Variants in EFHC2 observed in about 807,000 individuals in gnomAD.
EFHC2 encodes EF-hand domain-containing family member C2.
A neutral mutation model predicts 52.7 loss-of-function variants in EFHC2; 18 were observed. The ratio of observed to expected loss-of-function variants is 0.34; its 90% CI spans 0.24 to 0.51. The LOEUF is 0.51. Ranked by LOEUF, EFHC2 falls within the 20% of genes least tolerant of loss-of-function variation. EFHC2 has a pLI of 0.97. For synonymous variants in EFHC2, 203 were observed against 204.1 expected (o/e 0.99, Z 0.04); for missense variants, 513 against 562.5 (o/e 0.91, Z 0.89).
Position 44,163,942 on chromosome X carries a change from G to T in EFHC2, c.2128C>A (p.Pro710Thr). The T allele has an allele frequency of 1.7e-6, 2 of 1,166,036 alleles. No individual in the cohort carries two copies. Among genetic ancestry groups the T allele is most frequent in the Non-Finnish European group, 2.3e-6 (2 of 870,355 alleles). ...TTTACCTCTTTAAGGTATGATGCTG[G>T]TTGCAATTCAGGCACTGGATTCTTT... ...WRKNPVPELQ[P>T]ASYLKERCED... The change falls in exon 14 of 15, where the codon CCA becomes ACA. Residue 710 changes from proline (P) to threonine (T), a missense_variant. Coordinates refer to ENST00000420999, the MANE Select transcript of EFHC2 (RefSeq NM_025184.4).
chrX:44,336,297 G>T (rs1451589659), intron 1 of EFHC2, among the ~76,000 whole-genome samples: 1 of 108,947 alleles, frequency 9.2e-6, no homozygotes, highest in East Asian at 2.9e-4. Flanking sequence ...TGAGGCAGAA[G>T]AATAGCTTGA....
In EFHC2 at chrX:44,248,396, G is replaced by A. The variant is rs752976920; in HGVS notation, c.987C>T (p.Asp329=). Reference sequence around the variant, plus strand: ...GGTCACTATCTTTGTAAAACTCTTGGTCTACTTTTCCTAGCTAAAAAAGAC... The same window carrying A: ...GGTCACTATCTTTGTAAAACTCTTGATCTACTTTTCCTAGCTAAAAAAGAC... ...LFDRYKLGKV[D]QEFYKDSDLS... The change falls in exon 7 of 15, where the codon GAC becomes GAT. Residue 329 remains aspartate (D), a synonymous_variant. Coordinates refer to ENST00000420999, the MANE Select transcript of EFHC2 (RefSeq NM_025184.4). The A allele has an allele frequency of 1.7e-6, 2 of 1,187,408 alleles. No individual in the cohort carries two copies. The highest frequency in any genetic ancestry group is 2.3e-6 in the Non-Finnish European group (2 of 882,807).
At position 44,198,145 on chromosome X, in the gene EFHC2, TA is replaced by T. The variant is rs746095023; in HGVS notation, c.1752-19582del. On this transcript the variant is annotated intron_variant, in intron 11 of 14. Coordinates refer to ENST00000420999, the MANE Select transcript of EFHC2 (RefSeq NM_025184.4). ...TATAATCATGGAAAAAGAAATAAAA[TA>T]AACACAATATAAATATATATGTATA... 2.7e-3 allele frequency among the ~76,000 whole-genome samples: 302 copies of T among 111,753 alleles called. 2 individuals carry two copies. Among genetic ancestry groups the T allele is most frequent in the African/African-American group, 9.2e-3 (282 of 30,769 alleles).
intron 11 of EFHC2, among the ~76,000 whole-genome samples, chrX:44,212,656 C>T (rs760700303): frequency 5.4e-5 from 6 of 111,190 alleles, no homozygotes; most frequent in South Asian, 7.7e-4. Context: ...TCCCTGCCCC[C>T]ACACCTTACC....
chrX:44,337,481 A>G (rs777743625), intron 1 of EFHC2, among the ~76,000 whole-genome samples: 2 of 111,862 alleles, frequency 1.8e-5, no homozygotes, highest in East Asian at 5.6e-4. Context: ...CTACATTCCC[A>G]CTTGCTTTAG....
At chrX:44,197,288 C>T (rs916321607) in intron 11 of EFHC2, among the ~76,000 whole-genome samples, 3 of 111,651 alleles carry the variant, frequency 2.7e-5, no homozygotes, top group Admixed American at 1.9e-4. Context: ...CACCTTTGTT[C>T]GTTCATTCAT....
chrX:44,229,735 T>C lies in EFHC2; in HGVS notation c.1665A>G (p.Gln555=). The change falls in exon 11 of 15, where the codon CAA becomes CAG. Residue 555 remains glutamine, a synonymous_variant. Transcript: ENST00000420999. ...NLKLALQKLK[Q]EEGKSRELKQ... The stretch of plus-strand genomic sequence containing the variant: ...TGAGCTCTCTGGATTTTCCTTCTTC[T>C]TGCTTCAGCTTTTGTAGGGCAAGTT... 8.3e-7 allele frequency: 1 copy of C among 1,210,594 alleles called. No homozygotes were observed. Among genetic ancestry groups the C allele is most frequent in the Non-Finnish European group, 1.1e-6 (1 of 894,797 alleles).
chrX:44,219,229 T>C (rs769756851), intron 11 of EFHC2, among the ~76,000 whole-genome samples: 5 of 108,700 alleles, frequency 4.6e-5, no homozygotes, highest in Non-Finnish European at 7.6e-5. Context: ...TGCACAGGAA[T>C]TGACTAGGAT....
chrX:44,248,525 A>C, intron 6 of EFHC2, 115 bp from the exon 7 acceptor site: 1 of 900,657 alleles, frequency 1.1e-6, no homozygotes, highest in Non-Finnish European at 1.5e-6. Flanking sequence ...TAATAACTAA[A>C]TTTTAAAAAT....
At chrX:44,184,128 T>C (rs888075444) in intron 11 of EFHC2, among the ~76,000 whole-genome samples, 4 of 111,835 alleles carry the variant, frequency 3.6e-5, no homozygotes, top group African/African-American at 1.3e-4. Flanking sequence ...TTGCCATCTC[T>C]CTCAAAGTAG....
intron 9 of EFHC2, among the ~76,000 whole-genome samples, chrX:44,233,311 G>A (rs2147323475): frequency 8.9e-6 from 1 of 112,572 alleles, no homozygotes; most frequent in African/African-American, 3.2e-5. Flanking sequence ...TTACTTAAGT[G>A]TTTAAAGATA....
rs1221497954 is a variant in EFHC2 at position 44,201,650 on chromosome X, G to A, written c.1752-23086C>T. Reference sequence around the variant, plus strand: ...TCTGGAATAAAATGTATTAGAGGAAGTGAATCATTAAAAATCTACCCACTG... The same window carrying A: ...TCTGGAATAAAATGTATTAGAGGAAATGAATCATTAAAAATCTACCCACTG... On this transcript the variant is annotated intron_variant, in intron 11 of 14. Coordinates refer to ENST00000420999, the MANE Select transcript of EFHC2 (RefSeq NM_025184.4). 2.7e-5 allele frequency among the ~76,000 whole-genome samples: 3 copies of A among 111,223 alleles called. No homozygotes were observed. In the Admixed American group the frequency reaches 2.9e-4, roughly 11 times the overall value.
chrX:44,258,045 T>C (rs1422968537), intron 4 of EFHC2, among the ~76,000 whole-genome samples: 4 of 112,152 alleles, frequency 3.6e-5, no homozygotes, highest in African/African-American at 1.3e-4. Flanking sequence ...AAGGATTCCT[T>C]ATTTAATAAA....
chrX:44,276,694 A>G (rs2037660578), intron 2 of EFHC2, among the ~76,000 whole-genome samples: 1 of 112,103 alleles, frequency 8.9e-6, no homozygotes, highest in Non-Finnish European at 1.9e-5. Flanking sequence ...TTTGCTTAGC[A>G]TTGCATATCC....
At chrX:44,289,414 G>T (rs1048772493) in intron 2 of EFHC2, among the ~76,000 whole-genome samples, 3 of 110,887 alleles carry the variant, frequency 2.7e-5, no homozygotes, top group African/African-American at 9.8e-5. Flanking sequence ...TAACACCTTG[G>T]CTGAGTTTAG....
intron 2 of EFHC2, among the ~76,000 whole-genome samples, chrX:44,295,419 C>G (rs1400232723): frequency 1.8e-5 from 2 of 111,461 alleles, no homozygotes; most frequent in Non-Finnish European, 3.8e-5. Flanking sequence ...ATGTGGGGTA[C>G]TGCAAGTCAT....
chrX:44,343,671 C>T lies in EFHC2; in HGVS notation c.-83G>A. 1 of 1,100,254 alleles carries T rather than the reference C, an allele frequency of 9.1e-7. No homozygotes were observed. The highest frequency in any genetic ancestry group is 1.2e-6 in the Non-Finnish European group (1 of 813,477). 90.7% of individuals were successfully genotyped at this position (1,100,254 alleles called of 1,213,427 possible). ...GCCTCCCGGCCGTGTTGTTTGGCCC[C>T]CACGTTGCCTGGAGACGGGAAGCGG... On this transcript the variant is annotated 5_prime_UTR_variant, in exon 1 of 15. Transcript: ENST00000420999.
chrX:44,238,449 T>C (rs1445197007), intron 8 of EFHC2, among the ~76,000 whole-genome samples: 1 of 111,395 alleles, frequency 9.0e-6, no homozygotes, highest in Non-Finnish European at 1.9e-5. Flanking sequence ...AAGAAGAAAA[T>C]CAGCTCAAGT....
intron 2 of EFHC2, among the ~76,000 whole-genome samples, chrX:44,278,731 A>C (rs12007760): frequency 1.8e-5 from 2 of 110,320 alleles, no homozygotes; most frequent in Non-Finnish European, 3.8e-5. Context: ...GAACAAACAA[A>C]TCTTGCTATT....
Sources: allele counts gnomAD v4.1 joint callset (sites outside exome capture counted in the v4.1 genomes callset), GRCh38; gene constraint gnomAD v4.1.1; transcripts MANE v1.5; gene names NCBI Gene and HGNC (gene_info 2026-07-23, HGNC 2026-07-21).